KCNG3: variants seen among roughly 807,000 people sequenced by gnomAD.
KCNG3 encodes potassium voltage-gated channel modifier subfamily G member 3.
Under a neutral mutation model 29.0 loss-of-function variants are expected in KCNG3, and 15 were observed. The ratio of observed to expected loss-of-function variants is 0.52; its 90% confidence interval spans 0.35 to 0.80. The LOEUF (loss-of-function observed/expected upper bound fraction) is 0.80, where lower values mean the gene tolerates loss of function less well. KCNG3 is among the 30% of genes least tolerant of loss of function. The probability of loss-of-function intolerance (pLI) is 0.01; values close to 1 mark genes in which losing one functional copy is unlikely to be tolerated. For synonymous variants in KCNG3, 322 were observed against 248.9 expected (o/e 1.29, Z -2.76); for missense variants, 512 against 605.7 (o/e 0.85, Z 1.62).
At chr2:42,408,450 T>C in the KCNG3 span, among the ~76,000 whole-genome samples, 9 of 152,268 alleles carry the variant, frequency 5.9e-5, no homozygotes, top group African/African-American at 2.2e-4. Flanking sequence ...GACCTCAGGA[T>C]GACCAGCTGC....
chr2:42,449,949 C>A (rs1672708512), intron 1 of KCNG3, among the ~76,000 whole-genome samples: 1 of 152,134 alleles, frequency 6.6e-6, no homozygotes, highest in African/African-American at 2.4e-5. Context: ...CAAGCAAGGG[C>A]ACTGAACTTG....
the KCNG3 span, among the ~76,000 whole-genome samples, chr2:42,423,116 T>C: frequency 3.9e-5 from 6 of 152,324 alleles, no homozygotes; most frequent in East Asian, 1.2e-3. Context: ...CGGCTTGATA[T>C]TTCCATTTGG....
At chr2:42,433,778 G>A in the KCNG3 span, among the ~76,000 whole-genome samples, 1 of 151,904 alleles carries the variant, frequency 6.6e-6, no homozygotes, top group African/African-American at 2.4e-5. Context: ...TTGGCTGAAG[G>A]ACCAGACGCA....
chr2:42,410,096 A>G, the KCNG3 span, among the ~76,000 whole-genome samples: 1 of 152,142 alleles, frequency 6.6e-6, no homozygotes, highest in Admixed American at 6.6e-5. Context: ...TCTCCATTCA[A>G]TAATAATTCC....
At chr2:42,445,819 C>A (rs780575445) in intron 1 of KCNG3, among the ~76,000 whole-genome samples, 4 of 151,332 alleles carry the variant, frequency 2.6e-5, no homozygotes, top group Non-Finnish European at 5.9e-5. Context: ...CTCTGCCTCC[C>A]GGGTTTAAGC....
At chr2:42,416,302 A>G in the KCNG3 span, among the ~76,000 whole-genome samples, 7 of 152,172 alleles carry the variant, frequency 4.6e-5, no homozygotes, top group Admixed American at 1.3e-4. Flanking sequence ...AGTTAACAAT[A>G]ATATATTGTA....
chr2:42,419,745 C>A, the KCNG3 span, among the ~76,000 whole-genome samples: 1 of 152,306 alleles, frequency 6.6e-6, no homozygotes, highest in Admixed American at 6.5e-5. Context: ...GTAGACATAA[C>A]TTCAACAGAA....
At position 42,493,163 on chromosome 2, in the gene KCNG3, C is replaced by G. The variant is rs780098564; in HGVS notation, c.339G>C (p.Gln113His). The G allele has an allele frequency of 6.2e-7, 1 of 1,607,858 alleles. No individual in the cohort carries two copies. Among genetic ancestry groups the G allele is most frequent in the Non-Finnish European group, 8.5e-7 (1 of 1,179,682 alleles). ...LEGAHLEYCC[Q>H]RRLDDRMSDT... ...CGGACATGCGGTCGTCGAGGCGGCG[C>G]TGGCAGCAGTACTCGAGGTGCGCGC... The change falls in exon 1 of 2, where the codon CAG (glutamine) becomes CAC (histidine). Residue 113 changes from glutamine (Q) to histidine (H), a missense_variant. Physicochemically the swap from Gln to His is conservative, Grantham distance 24. This residue lies in a region of KCNG3 where 228 missense variants were observed against 200.0 expected (regional missense o/e 1.14). Coordinates refer to ENST00000306078, the MANE Select transcript of KCNG3 (RefSeq NM_133329.6).
chr2:42,492,051 A>G (rs1673891891), intron 1 of KCNG3, among the ~76,000 whole-genome samples: 1 of 152,224 alleles, frequency 6.6e-6, no homozygotes, highest in Non-Finnish European at 1.5e-5. Context: ...CAGTCTAAGA[A>G]AAGACTGCAA....
intron 1 of KCNG3, among the ~76,000 whole-genome samples, chr2:42,480,031 A>T (rs1022018681): frequency 6.6e-6 from 1 of 152,134 alleles, no homozygotes; most frequent in African/African-American, 2.4e-5. Flanking sequence ...AGAAAACAAA[A>T]ACAAACAAAC....
the KCNG3 span, among the ~76,000 whole-genome samples, chr2:42,410,942 T>G: frequency 6.6e-6 from 1 of 152,220 alleles, no homozygotes; most frequent in African/African-American, 2.4e-5. Flanking sequence ...CATTTATCTT[T>G]AACCTTTAAC....
the KCNG3 span, among the ~76,000 whole-genome samples, chr2:42,422,821 C>T: frequency 2.6e-5 from 4 of 152,136 alleles, no homozygotes; most frequent in African/African-American, 4.8e-5. Context: ...CCCCCATAAG[C>T]GCCTAGTTGC....
rs201986332 is a variant in KCNG3, at chr2:42,444,096, T to C, written c.1149A>G (p.Thr383=). The change falls in exon 2 of 2, where the codon ACA becomes ACG. Residue 383 remains threonine, a synonymous_variant. Coordinates refer to ENST00000306078, the MANE Select transcript of KCNG3 (RefSeq NM_133329.6). The surrounding 1 kb of genome is among the most constrained non-coding windows in gnomAD (Gnocchi z 5.8). ...CTCCTCCAAGAATTCTTCCAGGCACTGTGATAGGATACATATCTCCATAGC... is the reference window on the plus strand; with the variant it reads ...CTCCTCCAAGAATTCTTCCAGGCACCGTGATAGGATACATATCTCCATAGC... The part of the protein sequence containing the change: ...TVGYGDMYPI[T]VPGRILGGVC... The C allele has an allele frequency of 3.7e-5, 60 of 1,614,078 alleles. No homozygotes were observed. The East Asian group carries it at 7.6e-4, about 20-fold the overall frequency.
chr2:42,472,954 T>A (rs917038875), intron 1 of KCNG3, among the ~76,000 whole-genome samples: 4 of 146,832 alleles, frequency 2.7e-5, no homozygotes, highest in African/African-American at 7.6e-5. Context: ...CAGGCTGGAG[T>A]GCAGTGGCGC....
the KCNG3 span, among the ~76,000 whole-genome samples, chr2:42,396,474 A>C: frequency 6.6e-6 from 1 of 152,212 alleles, no homozygotes; most frequent in Non-Finnish European, 1.5e-5. Flanking sequence ...ACCAACCAAA[A>C]ACAGTCAGGG....
the KCNG3 span, among the ~76,000 whole-genome samples, chr2:42,401,797 C>T: frequency 6.6e-6 from 1 of 152,064 alleles, no homozygotes; most frequent in African/African-American, 2.4e-5. Context: ...GGCAGGACGA[C>T]TGCTTGAACC....
At chr2:42,464,251 A>T (rs1673089298) in intron 1 of KCNG3, among the ~76,000 whole-genome samples, 1 of 152,198 alleles carries the variant, frequency 6.6e-6, no homozygotes, top group African/African-American at 2.4e-5. Flanking sequence ...CAAAGTTTCC[A>T]AATGTACATT....
the KCNG3 span, among the ~76,000 whole-genome samples, chr2:42,391,822 T>C: frequency 2.6e-5 from 4 of 151,610 alleles, no homozygotes; most frequent in Non-Finnish European, 5.9e-5. Context: ...CGGGATGGTC[T>C]CGATCTCCTG....
the KCNG3 span, among the ~76,000 whole-genome samples, chr2:42,394,065 G>C: frequency 6.6e-6 from 1 of 152,186 alleles, no homozygotes; most frequent in African/African-American, 2.4e-5. Flanking sequence ...ACAGGTGTGA[G>C]CCACTATGCC....
Sources: gnomAD v4.1 joint callset for allele counts (sites outside exome capture counted in the v4.1 genomes callset) on GRCh38, gnomAD v4.1.1 for gene constraint, gnomAD v4.1.1 regional missense constraint, Gnocchi (gnomAD v3.1) non-coding constraint, MANE v1.5 for transcripts, NCBI Gene and HGNC (gene_info 2026-07-23, HGNC 2026-07-21) for gene names.